Variants in FAM209B observed in about 807,000 individuals in gnomAD.
FAM209B encodes family with sequence similarity 209 member B, also known as protein FAM209B.
In FAM209B, 8 loss-of-function variants were observed where a neutral mutation model predicts 8.9. That is an observed-to-expected ratio of 0.90 (90% CI 0.53 to 1.62). FAM209B has a LOEUF of 1.62. Ranked by LOEUF, FAM209B falls within the 40% of genes most tolerant of loss-of-function variation. The pLI is 0.00. For synonymous variants in FAM209B, 67 were observed against 75.0 expected, an observed-to-expected ratio of 0.89 and a Z score of 0.55; for missense variants, 175 against 205.3, an observed-to-expected ratio of 0.85 and a Z score of 0.90.
intron 1 of FAM209B, 141 bp downstream of exon 1, chr20:56,533,731 C>T: frequency 9.1e-7 from 1 of 1,094,746 alleles, no homozygotes. Flanking sequence ...GGCAAATTCA[C>T]TTCCTGATGT....
At chr20:56,535,436 C>T (rs1985942001) in intron 1 of FAM209B, among the ~76,000 whole-genome samples, 2 of 150,376 alleles carry the variant, frequency 1.3e-5, no homozygotes, top group South Asian at 4.2e-4. Context: ...TACAAAAATA[C>T]AAAAATTAGC....
intron 1 of FAM209B, among the ~76,000 whole-genome samples, chr20:56,535,780 A>C (rs2146404141): frequency 6.6e-6 from 1 of 152,304 alleles, no homozygotes; most frequent in South Asian, 2.1e-4. Flanking sequence ...GAGAAAGGGA[A>C]AGAAAGCGTA....
At chr20:56,536,096 A>G in intron 1 of FAM209B, 76 bp from the exon 2 acceptor site, 1 of 1,289,770 alleles carries the variant, frequency 7.8e-7, no homozygotes, top group Non-Finnish European at 1.1e-6. Flanking sequence ...TTCTTAAATG[A>G]GCCCAACTGT....
In FAM209B at chr20:56,534,478, C is replaced by T. The variant is rs140930538; in HGVS notation, c.249+888C>T. 3.3e-3 allele frequency among the ~76,000 whole-genome samples: 504 copies of T among 151,782 alleles called. 1 individual carries two copies. The highest frequency in any genetic ancestry group is 0.01 in the African/African-American group (426 of 41,414). On this transcript the variant is annotated intron_variant, in intron 1 of 1. Coordinates refer to ENST00000371325, the MANE Select transcript of FAM209B (RefSeq NM_001013646.4). ...AAAAATACAGAAATTAGGCCAGGCG[C>T]GGTGGCTCACCCCTGTAATCCTAGC...
intron 1 of FAM209B, among the ~76,000 whole-genome samples, chr20:56,534,234 CA>C (rs920895998): frequency 6.6e-6 from 1 of 152,126 alleles, no homozygotes; most frequent in Non-Finnish European, 1.5e-5. Flanking sequence ...TTGCTTTTTA[CA>C]TTTTTCCTAG....
chr20:56,533,792 G>A (rs1985863760), intron 1 of FAM209B, among the ~76,000 whole-genome samples: 1 of 152,176 alleles, frequency 6.6e-6, no homozygotes, highest in African/African-American at 2.4e-5. Context: ...GGGACAAACA[G>A]TGGAAGATGA....
chr20:56,533,783 G>A (rs1023749694), intron 1 of FAM209B, among the ~76,000 whole-genome samples, 193 bp downstream of exon 1: 1 of 152,114 alleles, frequency 6.6e-6, no homozygotes, highest in African/African-American at 2.4e-5. Context: ...ACAGATATTG[G>A]GACAAACAGT....
Position 56,533,413 on chromosome 20 carries a change from T to A in FAM209B, c.72T>A (p.Ser24=). Residue 24 remains serine (S), a synonymous_variant, in exon 1 of 2, where the codon TCT becomes TCA. Coordinates refer to ENST00000371325, the MANE Select transcript of FAM209B (RefSeq NM_001013646.4). ...GCAGCTATGCCTTTATGTTCTCTTC[T>A]CTGAGACAGAAAACTAGCGAACCCC... ...LTCSYAFMFS[S]LRQKTSEPQG... is the part of the protein sequence containing the mutation. 4.3e-6 allele frequency: 7 copies of A among 1,614,046 alleles called. No individual in the cohort carries two copies. The highest frequency in any genetic ancestry group is 1.1e-5 in the South Asian group (1 of 91,068).
Position 56,535,643 on chromosome 20 carries a change from G to A in FAM209B, c.250-529G>A, listed in dbSNP as rs919629873. The stretch of plus-strand genomic sequence containing the variant: ...GGAAGTGGAGGTTGCGGTGAGCCAA[G>A]ATCACACCAGCCTGGGTGACAGAGT... On this transcript the variant is annotated intron_variant, in intron 1 of 1. Transcript: ENST00000371325. 2.6e-5 allele frequency among the ~76,000 whole-genome samples: 4 copies of A among 151,902 alleles called. No homozygotes were observed. In the South Asian group the frequency reaches 6.2e-4, roughly 24 times the overall value.
chr20:56,536,036 T>C, intron 1 of FAM209B, 136 bp from the exon 2 acceptor site: 1 of 617,850 alleles, frequency 1.6e-6, no homozygotes, highest in Non-Finnish European at 2.6e-6. Flanking sequence ...AGGGCCAAAT[T>C]TGGCCATAGT....
chr20:56,533,645 G>C (rs954926179), intron 1 of FAM209B, 55 bp downstream of exon 1: 4 of 1,600,070 alleles, frequency 2.5e-6, no homozygotes, highest in Middle Eastern at 1.8e-4. Flanking sequence ...AGGAGTCTCA[G>C]GGAAACGGAT....
intron 1 of FAM209B, among the ~76,000 whole-genome samples, chr20:56,534,562 A>G (rs1218544429): frequency 1.3e-5 from 2 of 151,060 alleles, no homozygotes; most frequent in African/African-American, 4.9e-5. Flanking sequence ...CAGCTGGGCA[A>G]CATGGTGAAA....
chr20:56,534,025 G>A lies in FAM209B; in HGVS notation c.249+435G>A, dbSNP rs371722488. ...ACAAAAATTAGCTGGGCATGGCGGC[G>A]TGTGTCTGTAATCCCAGCTACTCGG... On this transcript the variant is annotated intron_variant, in intron 1 of 1. Coordinates refer to ENST00000371325, the MANE Select transcript of FAM209B (RefSeq NM_001013646.4). Among the ~76,000 whole-genome samples the A allele has an allele frequency of 3.5e-3, 525 of 152,056 alleles. 2 individuals carry two copies. The highest frequency in any genetic ancestry group is 0.012 in the African/African-American group (497 of 41,504).
At chr20:56,534,208 C>G (rs577262371) in intron 1 of FAM209B, among the ~76,000 whole-genome samples, 1 of 152,216 alleles carries the variant, frequency 6.6e-6, no homozygotes, top group Admixed American at 6.5e-5. Flanking sequence ...TTCACAGGGC[C>G]AAATTCACTG....
chr20:56,534,810 T>G (rs555280436), intron 1 of FAM209B, among the ~76,000 whole-genome samples: 2 of 148,658 alleles, frequency 1.3e-5, no homozygotes, highest in African/African-American at 5.0e-5. Flanking sequence ...TCCCAGCACT[T>G]TGGGAGGCCG....
At position 56,533,455 on chromosome 20, in the gene FAM209B, T is replaced by C. The variant is rs554215374; in HGVS notation, c.114T>C (p.Cys38=). The C allele has an allele frequency of 2.0e-6, 3 of 1,497,124 alleles. No homozygotes were observed. Among genetic ancestry groups the C allele is most frequent in the Non-Finnish European group, 2.8e-6 (3 of 1,090,572 alleles). 92.7% of individuals were successfully genotyped at this position (1,497,124 alleles called of 1,614,324 possible). A position where few individuals can be genotyped will look rare whatever the true frequency, so the allele number is the denominator to read the frequency against. Residue 38 remains cysteine, a synonymous_variant, in exon 1 of 2, where the codon TGT becomes TGC. Transcript: ENST00000371325. ...KTSEPQGKVP[C]GEHFRIRQNL... is the part of the protein sequence containing the mutation. ...GCGAACCCCAGGGGAAGGTGCCGTG[T>C]GGAGAGCACTTTCGGATTCGGCAGA... is the stretch of plus-strand genomic sequence containing the variant.
chr20:56,535,840 T>C (rs563528985), intron 1 of FAM209B, among the ~76,000 whole-genome samples: 3 of 152,290 alleles, frequency 2.0e-5, no homozygotes, highest in African/African-American at 7.2e-5. Context: ...CCAAACTGAT[T>C]AGAGGAAGGA....
In FAM209B at chr20:56,533,398, C is replaced by T. The variant is rs757807373; in HGVS notation, c.57C>T (p.Ala19=). The T allele has an allele frequency of 3.1e-6, 5 of 1,613,982 alleles. No individual in the cohort carries two copies. The highest frequency in any genetic ancestry group is 2.7e-5 in the African/African-American group (2 of 74,912). The change falls in exon 1 of 2, where the codon GCC becomes GCT. Residue 19 remains alanine, a synonymous_variant. Coordinates refer to ENST00000371325, the MANE Select transcript of FAM209B (RefSeq NM_001013646.4). ...TTCTGTGCCTCACCTGCAGCTATGC[C>T]TTTATGTTCTCTTCTCTGAGACAGA... ...VLLLCLTCSY[A]FMFSSLRQKT... is the part of the protein sequence containing the mutation.
At chr20:56,534,747 CAA>C (rs74181055) in intron 1 of FAM209B, among the ~76,000 whole-genome samples, 4 of 32,386 alleles carry the variant, frequency 1.2e-4, no homozygotes, top group African/African-American at 3.6e-4. Flanking sequence ...GACTCTGTCT[CAA>C]AAAAAAAAAA....
Sources: allele counts gnomAD v4.1 joint callset (sites outside exome capture counted in the v4.1 genomes callset), GRCh38; gene constraint gnomAD v4.1.1; transcripts MANE v1.5; gene names NCBI Gene and HGNC (gene_info 2026-07-23, HGNC 2026-07-21).